VMP1: variants seen among roughly 807,000 people sequenced by gnomAD.
VMP1 encodes vacuole membrane protein 1.
A neutral mutation model predicts 56.0 loss-of-function variants in VMP1; 11 were observed. The ratio of observed to expected loss-of-function variants is 0.20; its 90% confidence interval spans 0.12 to 0.32. The LOEUF (loss-of-function observed/expected upper bound fraction) is 0.32. Ranked by LOEUF, VMP1 falls within the 10% of genes least tolerant of loss-of-function variation. The pLI, the probability that VMP1 is intolerant of heterozygous loss-of-function variation, is 1.00. For synonymous variants in VMP1, 149 were observed against 165.0 expected (o/e 0.90, Z 0.74); for missense variants, 296 against 490.3 (o/e 0.60, Z 3.74).
intron 6 of VMP1, among the ~76,000 whole-genome samples, chr17:59,772,268 G>C (rs575515866): frequency 6.6e-6 from 1 of 152,046 alleles, no homozygotes; most frequent in East Asian, 2.0e-4. Flanking sequence ...TGGGATTCCA[G>C]GCGTGAGCCA....
intron 5 of VMP1, among the ~76,000 whole-genome samples, chr17:59,750,853 A>G (rs144296129): frequency 1.3e-5 from 2 of 150,982 alleles, no homozygotes; most frequent in African/African-American, 4.9e-5. Flanking sequence ...TCATTCATTT[A>G]CCTTATTTGA....
chr17:59,757,268 G>A (rs1376426695), intron 5 of VMP1, among the ~76,000 whole-genome samples: 4 of 151,872 alleles, frequency 2.6e-5, no homozygotes, highest in African/African-American at 9.7e-5. Flanking sequence ...TAGATAGATA[G>A]ATAGATAGAT....
intron 10 of VMP1, among the ~76,000 whole-genome samples, chr17:59,822,372 A>G (rs2038486519): frequency 7.4e-6 from 1 of 135,884 alleles, no homozygotes; most frequent in Admixed American, 8.7e-5. Context: ...TGTGTCGCCC[A>G]GGCTGGAGTG....
chr17:59,728,010 T>C (rs2034674664), intron 1 of VMP1, among the ~76,000 whole-genome samples: 1 of 152,252 alleles, frequency 6.6e-6, no homozygotes, highest in South Asian at 2.1e-4. Flanking sequence ...TCTATACTAA[T>C]AGAAACCTAT....
At chr17:59,727,150 T>G (rs1320154291) in intron 1 of VMP1, among the ~76,000 whole-genome samples, 1 of 152,098 alleles carries the variant, frequency 6.6e-6, no homozygotes, top group African/African-American at 2.4e-5. Context: ...TGTTTTTTTT[T>G]GAGACGGAGT....
At chr17:59,773,934 A>G (rs776642022) in intron 7 of VMP1, 49 bp downstream of exon 7, 1 of 1,472,830 alleles carries the variant, frequency 6.8e-7, no homozygotes, top group African/African-American at 1.4e-5. Flanking sequence ...CTTCCTAAAG[A>G]GGCTATTAAG....
rs144794911 is a variant in VMP1, at chr17:59,716,710, T to G, written c.-27+8962T>G. Among the ~76,000 whole-genome samples the G allele has an allele frequency of 9.0e-3, 1,374 of 152,330 alleles. 15 individuals carry two copies. Among genetic ancestry groups the G allele is most frequent in the African/African-American group, 0.03 (1,239 of 41,580 alleles). On this transcript the variant is annotated intron_variant, in intron 1 of 11. Transcript: ENST00000262291. ...TTAGCATTATGTTTGTTAACCTATT[T>G]TTAAACTATAAATCACTATACAAAA... is the stretch of plus-strand genomic sequence containing the variant.
chr17:59,758,711 A>C (rs1359658723), intron 5 of VMP1, among the ~76,000 whole-genome samples: 1 of 151,944 alleles, frequency 6.6e-6, no homozygotes, highest in Non-Finnish European at 1.5e-5. Flanking sequence ...TCACACCTGT[A>C]ATGCCAGCAC....
At chr17:59,770,680 C>T (rs2036391865) in intron 6 of VMP1, among the ~76,000 whole-genome samples, 1 of 151,574 alleles carries the variant, frequency 6.6e-6, no homozygotes, top group African/African-American at 2.4e-5. Flanking sequence ...TCTCGTATTC[C>T]CACAATTCTC....
intron 7 of VMP1, among the ~76,000 whole-genome samples, chr17:59,797,374 T>C (rs2037478882): frequency 6.6e-6 from 1 of 151,880 alleles, no homozygotes; most frequent in Non-Finnish European, 1.5e-5. Flanking sequence ...AAAAAGACTT[T>C]TTAAATAATA....
chr17:59,746,415 A>G (rs910744274), intron 5 of VMP1, among the ~76,000 whole-genome samples: 1 of 152,092 alleles, frequency 6.6e-6, no homozygotes, highest in Admixed American at 6.5e-5. Context: ...CAGGTGATCC[A>G]CCCGCCTCAG....
In VMP1 at chr17:59,747,993, G is replaced by A. The variant is rs188935684; in HGVS notation, c.414+9046G>A. Among the ~76,000 whole-genome samples the A allele has an allele frequency of 8.7e-3, 1,313 of 151,700 alleles. 13 individuals carry two copies. Among genetic ancestry groups the A allele is most frequent in the African/African-American group, 0.028 (1,179 of 41,414 alleles). ...GGGCGGATCACGAGGTCAGAAGATC[G>A]AGACCATCCTGGCTAACACAGTGAA... On this transcript the variant is annotated intron_variant, in intron 5 of 11. Transcript: ENST00000262291.
At chr17:59,773,111 GC>G (rs2036494994) in intron 6 of VMP1, among the ~76,000 whole-genome samples, 1 of 151,590 alleles carries the variant, frequency 6.6e-6, no homozygotes, top group Non-Finnish European at 1.5e-5. Flanking sequence ...GCAAGTGCGT[GC>G]CACCACACTC....
At chr17:59,734,113 G>C (rs538489003) in intron 2 of VMP1, among the ~76,000 whole-genome samples, 1 of 152,278 alleles carries the variant, frequency 6.6e-6, no homozygotes, top group East Asian at 1.9e-4. Flanking sequence ...AAATTCAACT[G>C]CTGGAATTTT....
chr17:59,803,316 G>A (rs763725124), intron 7 of VMP1, among the ~76,000 whole-genome samples: 1 of 152,084 alleles, frequency 6.6e-6, no homozygotes, highest in Non-Finnish European at 1.5e-5. Flanking sequence ...ATTTAATCTT[G>A]AAATTCAGTG....
At chr17:59,771,178 T>TC (rs397761280) in intron 6 of VMP1, among the ~76,000 whole-genome samples, 1 of 151,662 alleles carries the variant, frequency 6.6e-6, no homozygotes, top group Non-Finnish European at 1.5e-5. Flanking sequence ...TTTTTTTTTT[T>TC]GAATTATTAA....
At chr17:59,805,818 C>G (rs1318212569) in intron 7 of VMP1, among the ~76,000 whole-genome samples, 1 of 151,936 alleles carries the variant, frequency 6.6e-6, no homozygotes, top group African/African-American at 2.4e-5. Flanking sequence ...GAAAAATATT[C>G]CCACATATAT....
chr17:59,838,392 C>G lies in VMP1; in HGVS notation c.1072C>G (p.Pro358Ala), dbSNP rs1343691910. Residue 358 changes from proline (P) to alanine (A), a missense_variant, in exon 11 of 12, where the codon CCA (proline) becomes GCA (alanine). This residue lies in a region of VMP1 where 95 missense variants were observed against 137.6 expected (regional missense o/e 0.69). Transcript: ENST00000262291. ...TCACCACAAAAGCGAAATGGGCACA[C>G]CACAGGTAAGACTTTAATCCGGTTT... is the stretch of plus-strand genomic sequence containing the variant. ...KLHHKSEMGT[P>A]QGENWLSWMF... The G allele has an allele frequency of 6.2e-7, 1 of 1,614,052 alleles. No homozygotes were observed. The highest frequency in any genetic ancestry group is 1.7e-5 in the Admixed American group (1 of 60,006).
At chr17:59,769,778 A>C (rs1328031090) in intron 6 of VMP1, among the ~76,000 whole-genome samples, 1 of 152,210 alleles carries the variant, frequency 6.6e-6, no homozygotes, top group Admixed American at 6.5e-5. Context: ...TTAGGCTGAC[A>C]GTTTTCAGTG....
Sources: allele counts gnomAD v4.1 joint callset (sites outside exome capture counted in the v4.1 genomes callset), GRCh38; gene constraint gnomAD v4.1.1; regional missense constraint gnomAD v4.1.1; transcripts MANE v1.5; gene names NCBI Gene and HGNC (gene_info 2026-07-23, HGNC 2026-07-21).